Variants in STOX2 observed in about 807,000 individuals in gnomAD.
STOX2 encodes storkhead-box protein 2.
Under a neutral mutation model 60.9 loss-of-function variants are expected in STOX2, and 28 were observed. The observed-to-expected ratio is 0.46, with a 90% CI of 0.34 to 0.63. The LOEUF is 0.63. Ranked by LOEUF, STOX2 falls within the 30% of genes least tolerant of loss-of-function variation. The pLI is 0.01. For synonymous variants in STOX2, 472 were observed against 463.9 expected (o/e 1.02, Z -0.22); for missense variants, 1,024 against 1,187.7 (o/e 0.86, Z 2.03).
At chr4:183,916,475 A>G (rs1358267868) in intron 1 of STOX2, among the ~76,000 whole-genome samples, 3 of 152,212 alleles carry the variant, frequency 2.0e-5, no homozygotes, top group Non-Finnish European at 4.4e-5. Context: ...TACCTGCAAC[A>G]TGGGAATAAT....
intron 1 of STOX2, among the ~76,000 whole-genome samples, chr4:183,927,285 C>T (rs893355216): frequency 6.6e-6 from 1 of 152,202 alleles, no homozygotes; most frequent in African/African-American, 2.4e-5. Context: ...CTCTGTGTCT[C>T]ATGTGTAAAA....
chr4:183,816,086 C>A (rs188903351), intron 1 of STOX2, among the ~76,000 whole-genome samples: 1 of 152,118 alleles, frequency 6.6e-6, no homozygotes, highest in African/African-American at 2.4e-5. Context: ...AAAACCAAAT[C>A]GATTCGTAAG....
intron 1 of STOX2, among the ~76,000 whole-genome samples, chr4:183,891,788 T>A (rs1292793627): frequency 6.6e-6 from 1 of 151,910 alleles, no homozygotes; most frequent in African/African-American, 2.4e-5. Flanking sequence ...TTTAAAAAAA[T>A]CAATAAATAA....
rs145521995 is a variant in STOX2, at chr4:183,989,449, G to A, written c.167-11876G>A. On this transcript the variant is annotated intron_variant, in intron 1 of 3. Transcript: ENST00000308497. ...ACTTCTGACCTCTGTTGACCTGCCT[G>A]CCTTGGCCTCCCAAAGTGCTGGGAT... Among the ~76,000 whole-genome samples, 738 of 152,254 alleles carry A rather than the reference G, an allele frequency of 4.8e-3. 12 individuals carry two copies. The highest frequency in any genetic ancestry group is 0.017 in the African/African-American group (700 of 41,546).
At chr4:184,006,921 C>T (rs1482843525) in intron 2 of STOX2, among the ~76,000 whole-genome samples, 1 of 139,886 alleles carries the variant, frequency 7.1e-6, no homozygotes, top group Non-Finnish European at 1.5e-5. Flanking sequence ...GAGGCTGAGG[C>T]AGGAGAATGG....
At chr4:183,807,026 G>A (rs896204558) in intron 1 of STOX2, among the ~76,000 whole-genome samples, 3 of 151,942 alleles carry the variant, frequency 2.0e-5, no homozygotes, top group Non-Finnish European at 4.4e-5. Context: ...AGGCTGGAGT[G>A]CAGTGGCGCG....
Position 183,944,043 on chromosome 4 carries a change from A to G in STOX2, c.166+37087A>G, listed in dbSNP as rs558034178. 9.8e-5 allele frequency among the ~76,000 whole-genome samples: 15 copies of G among 152,386 alleles called. No individual in the cohort carries two copies. In the South Asian group the frequency reaches 2.9e-3, roughly 29 times the overall value. On this transcript the variant is annotated intron_variant, in intron 1 of 3. Transcript: ENST00000308497. ...ATGGCTCAGTACAGAAGACAGACAG[A>G]CAAATGCAAGAGAATACATTCTGGT...
chr4:183,851,720 A>AGAAAGGATGAGGGAAAGGATGAGG (rs1740144647), intron 1 of STOX2, among the ~76,000 whole-genome samples: 1 of 76,048 alleles, frequency 1.3e-5, no homozygotes. Context: ...AAAGGATGAG[A>AGAAAGGATGAGGGAAAGGATGAGG]GAAAGGATGA....
intron 1 of STOX2, among the ~76,000 whole-genome samples, chr4:183,854,434 G>A (rs994395565): frequency 6.6e-6 from 1 of 152,160 alleles, no homozygotes; most frequent in African/African-American, 2.4e-5. Flanking sequence ...GTGTGTCTGT[G>A]TGTTTTAATC....
rs187292054 is a variant in STOX2, at chr4:183,847,667, A to C, written c.364+49612A>C. Among the ~76,000 whole-genome samples the C allele has an allele frequency of 1.9e-3, 295 of 152,316 alleles. 3 individuals carry two copies. The highest frequency in any genetic ancestry group is 5.6e-3 in the Admixed American group (85 of 15,292). ...GATAGGAGGATCCTGGGGCCAGGGT[A>C]GGTTAAAATGCCATAAATCTCCCCT... On this transcript the variant is annotated intron_variant, in intron 1 of 2. Coordinates refer to the STOX2 transcript ENST00000513034.
rs568238649 is a variant in STOX2 at position 183,986,143 on chromosome 4, A to C, written c.167-15182A>C. ...TAAGTATGTGGAGAAAGAAAAAAAA[A>C]ACAAATACTTGAAGAAAAGGGATGA... is the stretch of plus-strand genomic sequence containing the variant. On this transcript the variant is annotated intron_variant, in intron 1 of 3. Coordinates refer to ENST00000308497, the MANE Select transcript of STOX2 (RefSeq NM_020225.3). Among the ~76,000 whole-genome samples the C allele has an allele frequency of 3.9e-5, 6 of 152,312 alleles. No individual in the cohort carries two copies. In the East Asian group the frequency reaches 1.2e-3, roughly 29 times the overall value.
chr4:183,860,949 G>GT (rs1291355231), intron 1 of STOX2, among the ~76,000 whole-genome samples: 4 of 152,158 alleles, frequency 2.6e-5, no homozygotes, highest in Non-Finnish European at 5.9e-5. Context: ...GCCATTAGTT[G>GT]TTTGCAAAGG....
At chr4:183,892,243 C>T (rs1741234200) in intron 1 of STOX2, among the ~76,000 whole-genome samples, 1 of 152,218 alleles carries the variant, frequency 6.6e-6, no homozygotes, top group African/African-American at 2.4e-5. Flanking sequence ...AACCCTGAGG[C>T]TGCACACAAC....
intron 1 of STOX2, among the ~76,000 whole-genome samples, chr4:183,914,225 T>A (rs990633560): frequency 1.3e-5 from 2 of 151,864 alleles, no homozygotes; most frequent in Admixed American, 1.3e-4. Context: ...GTGGTTGGGT[T>A]TAAGAGGTGG....
chr4:183,885,178 G>A (rs990931053), intron 1 of STOX2, among the ~76,000 whole-genome samples: 2 of 151,410 alleles, frequency 1.3e-5, no homozygotes, highest in African/African-American at 2.4e-5. Context: ...GTCGCCCACC[G>A]CCCCCCACCC....
upstream of STOX2, among the ~76,000 whole-genome samples, chr4:183,901,597 A>AT (rs35480727): frequency 0.01 from 1,410 of 140,354 alleles, 7 homozygotes; most frequent in African/African-American, 0.016. Flanking sequence ...GTTTTTGGGT[A>AT]TTTTTTTTTT....
At chr4:183,915,811 C>T (rs1741916243) in intron 1 of STOX2, among the ~76,000 whole-genome samples, 1 of 152,202 alleles carries the variant, frequency 6.6e-6, no homozygotes, top group Non-Finnish European at 1.5e-5. Flanking sequence ...CCCTCAGGGT[C>T]CCGGAAGGAA....
At chr4:183,937,871 G>T (rs184237765) in intron 1 of STOX2, among the ~76,000 whole-genome samples, 1 of 152,210 alleles carries the variant, frequency 6.6e-6, no homozygotes, top group Non-Finnish European at 1.5e-5. Context: ...ATCCTGAGCT[G>T]GCTGGGTGCT....
At chr4:183,892,272 C>G (rs1420740132) in intron 1 of STOX2, among the ~76,000 whole-genome samples, 1 of 152,196 alleles carries the variant, frequency 6.6e-6, no homozygotes, top group African/African-American at 2.4e-5. Flanking sequence ...GAGCCTTGCC[C>G]TGCTTCCATA....
Sources: gnomAD v4.1 joint callset for allele counts (sites outside exome capture counted in the v4.1 genomes callset) on GRCh38, gnomAD v4.1.1 for gene constraint, MANE v1.5 for transcripts, NCBI Gene and HGNC (gene_info 2026-07-23, HGNC 2026-07-21) for gene names.